The following NUP85 variants were observed in gnomAD, a reference collection of about 807,000 sequenced individuals.
NUP85 encodes nucleoporin 85.
A neutral mutation model predicts 92.8 loss-of-function variants in NUP85; 23 were observed. The ratio of observed to expected loss-of-function variants is 0.25; its 90% CI spans 0.18 to 0.35. The LOEUF (loss-of-function observed/expected upper bound fraction) is 0.35. NUP85 is among the 10% of genes least tolerant of loss of function. NUP85 has a pLI of 1.00. For missense variants in NUP85, 759 were observed against 822.8 expected (o/e 0.92, Z 0.95); for synonymous variants, 314 against 306.9 (o/e 1.02, Z -0.24).
intron 9 of NUP85, 59 bp from the exon 10 acceptor site, chr17:75,225,639 A>G (rs1233751925): frequency 1.2e-6 from 2 of 1,604,966 alleles, no homozygotes; most frequent in African/African-American, 2.7e-5. Context: ...GAGCAGGAGC[A>G]TTATGGAGAA....
chr17:75,218,076 AACC>A (rs2075485057), intron 6 of NUP85, 106 bp from the exon 7 acceptor site: 7 of 1,444,994 alleles, frequency 4.8e-6, no homozygotes, highest in Non-Finnish European at 6.7e-6. Flanking sequence ...AAAAGGGATA[AACC>A]TATGTAGTCA....
intron 1 of NUP85, among the ~76,000 whole-genome samples, chr17:75,207,105 C>G (rs1365793447): frequency 2.6e-5 from 4 of 152,062 alleles, no homozygotes; most frequent in Admixed American, 2.0e-4. Flanking sequence ...CGATGTGTAT[C>G]CTGAAAATTT....
At chr17:75,226,603 G>T (rs1301357138) in intron 11 of NUP85, 2 of 325,430 alleles carry the variant, frequency 6.1e-6, no homozygotes, top group Non-Finnish European at 1.2e-5. Flanking sequence ...CAAAACTGGG[G>T]TTTTAGAGGG....
chr17:75,223,663 C>T (rs1157783694), intron 7 of NUP85, among the ~76,000 whole-genome samples: 1 of 152,164 alleles, frequency 6.6e-6, no homozygotes, highest in East Asian at 1.9e-4. Flanking sequence ...GCTGGAATTA[C>T]AGACGTGAGC....
chr17:75,227,754 C>T (rs990152076), intron 11 of NUP85, among the ~76,000 whole-genome samples: 10 of 152,128 alleles, frequency 6.6e-5, no homozygotes, highest in Admixed American at 6.6e-4. Context: ...CCTCTTGCCT[C>T]AGCCTTCCAG....
chr17:75,233,638 A>G (rs1157067722), intron 16 of NUP85, among the ~76,000 whole-genome samples: 5 of 150,244 alleles, frequency 3.3e-5, no homozygotes, highest in Non-Finnish European at 7.4e-5. Flanking sequence ...TCACTCTGTC[A>G]CCCGGGCTGG....
intron 3 of NUP85, 61 bp from the exon 4 acceptor site, chr17:75,211,931 T>C: frequency 1.4e-5 from 19 of 1,314,452 alleles, no homozygotes; most frequent in Non-Finnish European, 1.9e-5. Context: ...GAGTGTTTCC[T>C]TCCTTTGTGG....
intron 11 of NUP85, chr17:75,228,737 C>T (rs2075922967): frequency 1.0e-6 from 1 of 985,266 alleles, no homozygotes; most frequent in South Asian, 4.7e-5. Flanking sequence ...CCTGTTCACA[C>T]CACCTTCATA....
chr17:75,224,400 T>G (rs1297950740), intron 7 of NUP85, among the ~76,000 whole-genome samples: 3 of 152,106 alleles, frequency 2.0e-5, no homozygotes, highest in Non-Finnish European at 4.4e-5. Flanking sequence ...TTTGCTTTTG[T>G]TTCTTGGCCA....
In NUP85 at chr17:75,235,175, G is replaced by A. The variant is rs1239862328; in HGVS notation, c.1843G>A (p.Gly615Arg). 2 of 1,613,864 alleles carry A rather than the reference G, an allele frequency of 1.2e-6. No homozygotes were observed. Among genetic ancestry groups the A allele is most frequent in the Non-Finnish European group, 1.7e-6 (2 of 1,179,934 alleles). Residue 615 changes from glycine (G) to arginine (R), a missense_variant, in exon 18 of 19, where the codon GGA (glycine) becomes AGA (arginine). Coordinates refer to ENST00000245544, the MANE Select transcript of NUP85 (RefSeq NM_024844.5). ...EDLTSRRPVHGESDTEQLQDD... is the reference protein window; with the variant it reads ...EDLTSRRPVHRESDTEQLQDD... ...CTTGACGTCAAGAAGACCTGTGCATGGAGAATCTGATACCGAGCAGCTCCA... is the reference window on the plus strand; with the variant it reads ...CTTGACGTCAAGAAGACCTGTGCATAGAGAATCTGATACCGAGCAGCTCCA...
Position 75,235,570 on chromosome 17 carries a change from C to T in NUP85, c.1870-8C>T. ...TCTTAGCTCATGCTGGCGCTCTCTG[C>T]TTTGCAGGATGATGACATAGAGACC... On this transcript the variant is annotated splice_region_variant and splice_polypyrimidine_tract_variant and intron_variant, in intron 18 of 18. Coordinates refer to ENST00000245544, the MANE Select transcript of NUP85 (RefSeq NM_024844.5). 1 of 1,608,384 alleles carries T rather than the reference C, an allele frequency of 6.2e-7. No homozygotes were observed. The highest frequency in any genetic ancestry group is 8.5e-7 in the Non-Finnish European group (1 of 1,174,832).
At chr17:75,206,442 G>T (rs1375021459) in intron 1 of NUP85, among the ~76,000 whole-genome samples, 1 of 151,916 alleles carries the variant, frequency 6.6e-6, no homozygotes, top group African/African-American at 2.4e-5. Context: ...GGATCCAACC[G>T]GGAAAAAGCA....
chr17:75,221,100 G>A (rs1359789615), intron 7 of NUP85, among the ~76,000 whole-genome samples: 5 of 152,080 alleles, frequency 3.3e-5, no homozygotes, highest in Non-Finnish European at 5.9e-5. Context: ...AGCCAGGATG[G>A]TCTCGATCTG....
At chr17:75,210,802 C>T (rs1477303176) in intron 3 of NUP85, among the ~76,000 whole-genome samples, 3 of 150,870 alleles carry the variant, frequency 2.0e-5, no homozygotes, top group Admixed American at 6.6e-5. Flanking sequence ...CCTGGATTCA[C>T]GCCATTCTCC....
Position 75,225,688 on chromosome 17 carries a change from C to T in NUP85, c.856-10C>T, listed in dbSNP as rs548149167. The T allele has an allele frequency of 6.2e-7, 1 of 1,613,978 alleles. No individual in the cohort carries two copies. Among genetic ancestry groups the T allele is most frequent in the South Asian group, 1.1e-5 (1 of 91,054 alleles). On this transcript the variant is annotated splice_polypyrimidine_tract_variant and intron_variant, in intron 9 of 18. Coordinates refer to ENST00000245544, the MANE Select transcript of NUP85 (RefSeq NM_024844.5). Reference sequence around the variant, plus strand: ...GGAGGACAGAGTTCAGCACAAATGTCTCTCCTCAGATTATGCTGGGAGACG... The same window carrying T: ...GGAGGACAGAGTTCAGCACAAATGTTTCTCCTCAGATTATGCTGGGAGACG...
At chr17:75,233,389 TTC>T (rs1356012687) in intron 16 of NUP85, among the ~76,000 whole-genome samples, 117 of 20,142 alleles carry the variant, frequency 5.8e-3, no homozygotes, top group African/African-American at 7.4e-3. Flanking sequence ...CTCTCTTTCT[TTC>T]TCTTTCTCTT....
At chr17:75,228,181 G>A in intron 11 of NUP85, 1 of 985,134 alleles carries the variant, frequency 1.0e-6, no homozygotes, top group Non-Finnish European at 1.2e-6. Flanking sequence ...AAACAGATTT[G>A]AGCAGAAGAA....
At position 75,218,298 on chromosome 17, in the gene NUP85, T is replaced by C. The variant is rs1320020388; in HGVS notation, c.589T>C (p.Trp197Arg). 1 of 1,613,444 alleles carries C rather than the reference T, an allele frequency of 6.2e-7. No homozygotes were observed. The highest frequency in any genetic ancestry group is 8.5e-7 in the Non-Finnish European group (1 of 1,179,586). ...GAATCCAAGCAAACATGACAGCTTC[T>C]GGAACTTGGTAAGACAGGCCGGGCC... is the stretch of plus-strand genomic sequence containing the variant. The part of the protein sequence containing the change: ...SENPSKHDSF[W>R]NLVTILVLQG... The change falls in exon 7 of 19, where the codon TGG (tryptophan) becomes CGG (arginine). Residue 197 changes from tryptophan to arginine, a missense_variant. Physicochemically the swap from Trp to Arg is moderately radical, Grantham distance 101. Transcript: ENST00000245544.
rs200262465 is a variant in NUP85, at chr17:75,206,620, A to AT, written c.33+830dup. Among the ~76,000 whole-genome samples, 1,207 of 152,204 alleles carry AT rather than the reference A, an allele frequency of 7.9e-3. 24 individuals carry two copies. The highest frequency in any genetic ancestry group is 0.027 in the African/African-American group (1,134 of 41,534). ...CGGTGATTAGCCTCAGTAAATCTGC[A>AT]TTTTACCTGTGAAAAGAGGGAGCAG... On this transcript the variant is annotated intron_variant, in intron 1 of 18. Transcript: ENST00000245544.
Sources: gnomAD v4.1 joint callset for allele counts (sites outside exome capture counted in the v4.1 genomes callset) on GRCh38, gnomAD v4.1.1 for gene constraint, MANE v1.5 for transcripts, NCBI Gene and HGNC (gene_info 2026-07-23, HGNC 2026-07-21) for gene names.